Variants in ANGPT1 observed in about 807,000 individuals in gnomAD.
ANGPT1 encodes the protein angiopoietin-1.
ANGPT1 carries 17 observed loss-of-function variants against 62.2 expected under a neutral mutation model. The observed-to-expected ratio is 0.27, with a 90% CI of 0.19 to 0.41. The LOEUF is 0.41. Among genes scored for constraint, ANGPT1 ranks in the 10% least tolerant of loss-of-function variants. ANGPT1 has a pLI of 1.00. For missense variants in ANGPT1, 478 were observed against 594.9 expected, an observed-to-expected ratio of 0.80 and a Z score of 2.04; for synonymous variants, 199 against 198.9, an observed-to-expected ratio of 1.00 and a Z score of 0.00.
chr8:107,460,536 C>T (rs952790767), intron 1 of ANGPT1, among the ~76,000 whole-genome samples: 4 of 152,136 alleles, frequency 2.6e-5, no homozygotes, highest in Admixed American at 2.0e-4. Flanking sequence ...AACTCCAGAT[C>T]TTGGTGTAAC....
At chr8:107,436,065 T>C (rs1278155226) in intron 1 of ANGPT1, among the ~76,000 whole-genome samples, 2 of 151,982 alleles carry the variant, frequency 1.3e-5, no homozygotes, top group African/African-American at 4.8e-5. Flanking sequence ...ACCATGCTTG[T>C]CTAATTTTAA....
rs935187725 is a variant in ANGPT1 at position 107,353,558 on chromosome 8, C to A, written c.298-6461G>T. Among the ~76,000 whole-genome samples, 17 of 152,172 alleles carry A rather than the reference C, an allele frequency of 1.1e-4. 1 individual carries two copies. The highest frequency in any genetic ancestry group is 1.5e-5 in the Non-Finnish European group (1 of 68,036). On this transcript the variant is annotated intron_variant, in intron 1 of 8. Transcript: ENST00000517746. ...TGCTGGACTCTGTTCTTGCTTCCTACCATTGATACCCATCAGCTGCCCCCT... is the reference window on the plus strand; with the variant it reads ...TGCTGGACTCTGTTCTTGCTTCCTAACATTGATACCCATCAGCTGCCCCCT...
chr8:107,442,679 T>C (rs1811514732), intron 1 of ANGPT1, among the ~76,000 whole-genome samples: 1 of 152,238 alleles, frequency 6.6e-6, no homozygotes, highest in Non-Finnish European at 1.5e-5. Context: ...TCCTATTCCC[T>C]CAAATATAGT....
chr8:107,488,716 T>C (rs1812880621), intron 1 of ANGPT1, among the ~76,000 whole-genome samples: 1 of 152,210 alleles, frequency 6.6e-6, no homozygotes, highest in Admixed American at 6.5e-5. Flanking sequence ...AGAAGACTGA[T>C]AATACTGGTA....
chr8:107,292,649 A>G (rs915737829), intron 6 of ANGPT1, among the ~76,000 whole-genome samples: 1 of 152,186 alleles, frequency 6.6e-6, no homozygotes, highest in African/African-American at 2.4e-5. Context: ...AACTTTGTGT[A>G]AGTCCAAACT....
intron 8 of ANGPT1, among the ~76,000 whole-genome samples, chr8:107,262,925 A>G (rs1036152011): frequency 2.0e-5 from 3 of 152,240 alleles, no homozygotes; most frequent in Non-Finnish European, 4.4e-5. Context: ...ATCCATTTAT[A>G]ACTCTTATTA....
intron 3 of ANGPT1, among the ~76,000 whole-genome samples, chr8:107,328,090 T>C (rs1157835314): frequency 6.6e-6 from 1 of 152,108 alleles, no homozygotes; most frequent in Non-Finnish European, 1.5e-5. Context: ...AGTATAAATA[T>C]AGCCCTTCAA....
chr8:107,316,578 C>G lies in ANGPT1; in HGVS notation c.808+5318G>C, dbSNP rs946634031. Among the ~76,000 whole-genome samples the G allele has an allele frequency of 2.0e-5, 3 of 152,174 alleles. No individual in the cohort carries two copies. In the South Asian group the frequency reaches 6.2e-4, roughly 31 times the overall value. On this transcript the variant is annotated intron_variant, in intron 4 of 8. Transcript: ENST00000517746. ...CCCTACTCCAGGCTTCTCAGCTTTA[C>G]AGTATATTTTTCCTACATTGTCACT...
chr8:107,457,857 CA>C (rs1218390601), intron 1 of ANGPT1, among the ~76,000 whole-genome samples: 135 of 150,652 alleles, frequency 9.0e-4, no homozygotes, highest in South Asian at 1.5e-3. Context: ...CACACACACA[CA>C]CACACACACC....
intron 1 of ANGPT1, among the ~76,000 whole-genome samples, chr8:107,367,137 A>G (rs1816291088): frequency 6.6e-6 from 1 of 152,212 alleles, no homozygotes; most frequent in Non-Finnish European, 1.5e-5. Flanking sequence ...AGCTACATGA[A>G]TACTTTGGAG....
Position 107,343,756 on chromosome 8 carries a change from A to G in ANGPT1, c.453+3186T>C, listed in dbSNP as rs1437248610. Among the ~76,000 whole-genome samples the G allele has an allele frequency of 2.0e-5, 3 of 152,222 alleles. No individual in the cohort carries two copies. In the East Asian group the frequency reaches 5.8e-4, roughly 29 times the overall value. On this transcript the variant is annotated intron_variant, in intron 2 of 8. Transcript: ENST00000517746. The stretch of plus-strand genomic sequence containing the variant: ...GCATTCTAATAGGACCTATTAAAAC[A>G]TCTTACATCAAGGAAGTACCCAAAG...
chr8:107,352,747 C>CT (rs1199219233), intron 1 of ANGPT1, among the ~76,000 whole-genome samples: 1 of 152,092 alleles, frequency 6.6e-6, no homozygotes, highest in East Asian at 1.9e-4. Flanking sequence ...AAATATGGTG[C>CT]AGATTAAATG....
intron 1 of ANGPT1, among the ~76,000 whole-genome samples, chr8:107,452,547 T>C (rs1271703827): frequency 2.6e-5 from 4 of 151,964 alleles, no homozygotes; most frequent in African/African-American, 7.2e-5. Flanking sequence ...CTAAAATTTA[T>C]TGTTACATTA....
intron 1 of ANGPT1, among the ~76,000 whole-genome samples, chr8:107,466,824 A>T (rs1563635492): frequency 6.6e-6 from 1 of 152,068 alleles, no homozygotes; most frequent in Non-Finnish European, 1.5e-5. Context: ...AGATAAGAGA[A>T]TTGCTTGAAC....
At chr8:107,302,958 T>G (rs936456191) in intron 5 of ANGPT1, among the ~76,000 whole-genome samples, 1 of 151,880 alleles carries the variant, frequency 6.6e-6, no homozygotes, top group Non-Finnish European at 1.5e-5. Flanking sequence ...CCTCAACATG[T>G]AATCTGTACA....
rs978436457 is a variant in ANGPT1, at chr8:107,250,556, A to G, written c.*1299T>C. On this transcript the variant is annotated 3_prime_UTR_variant, in exon 9 of 9. Coordinates refer to ENST00000517746, the MANE Select transcript of ANGPT1 (RefSeq NM_001146.5). ...AAATATATGAAGAATGATGTATTTC[A>G]TTAAGGGATATAGTAGATTTCTTTG... 65 of 152,276 alleles carry G rather than the reference A, an allele frequency of 4.3e-4. No individual in the cohort carries two copies. Among genetic ancestry groups the G allele is most frequent in the African/African-American group, 1.3e-3 (56 of 41,580 alleles). The allele number at this position is 152,276 out of a possible 1,614,324, so 9.4% of individuals were successfully genotyped here.
At chr8:107,264,419 T>G in intron 7 of ANGPT1, 68 bp from the exon 8 acceptor site, 2 of 1,546,564 alleles carry the variant, frequency 1.3e-6, no homozygotes, top group South Asian at 2.4e-5. Flanking sequence ...GAAGACCAGC[T>G]TGTTGAATGT....
At chr8:107,313,113 C>T (rs554411502) in intron 4 of ANGPT1, among the ~76,000 whole-genome samples, 28 of 151,852 alleles carry the variant, frequency 1.8e-4, no homozygotes, top group African/African-American at 6.5e-4. Flanking sequence ...GAAAATGGAA[C>T]GTTCACACCT....
chr8:107,495,264 C>T (rs1293592144), intron 1 of ANGPT1, among the ~76,000 whole-genome samples: 6 of 152,134 alleles, frequency 3.9e-5, no homozygotes, highest in Admixed American at 1.3e-4. Flanking sequence ...CCAATAGGGA[C>T]GTTTTCAGCA....
Sources: allele counts gnomAD v4.1 joint callset (sites outside exome capture counted in the v4.1 genomes callset), GRCh38; gene constraint gnomAD v4.1.1; transcripts MANE v1.5; gene names NCBI Gene and HGNC (gene_info 2026-07-23, HGNC 2026-07-21).